Variants in HFM1 observed in about 807,000 individuals in gnomAD.
HFM1 encodes the protein probable ATP-dependent DNA helicase HFM1.
HFM1 carries 169 observed loss-of-function variants against 192.1 expected under a neutral mutation model. The ratio of observed to expected loss-of-function variants is 0.88; its 90% CI spans 0.78 to 1.00. HFM1 has a LOEUF of 1.00. Ranked by LOEUF, HFM1 falls within the 50% of genes least tolerant of loss-of-function variation. The pLI is 0.00. For synonymous variants in HFM1, 525 were observed against 537.8 expected (o/e 0.98, Z 0.33); for missense variants, 1,661 against 1,668.0 (o/e 1.00, Z 0.07).
At chr1:91,341,006 C>G (rs1655252231) in intron 20 of HFM1, among the ~76,000 whole-genome samples, 1 of 152,136 alleles carries the variant, frequency 6.6e-6, no homozygotes, top group African/African-American at 2.4e-5. Flanking sequence ...GGCTTCAACA[C>G]CCCACTGACA....
intron 2 of HFM1, among the ~76,000 whole-genome samples, chr1:91,400,420 G>T (rs1197556232): frequency 6.6e-6 from 1 of 151,874 alleles, no homozygotes; most frequent in African/African-American, 2.4e-5. Context: ...CTTTAGCTTG[G>T]CCAAAAATAA....
At chr1:91,403,871 C>CTTATTGTATAAAA (rs1164796461) in intron 1 of HFM1, among the ~76,000 whole-genome samples, 5 of 152,006 alleles carry the variant, frequency 3.3e-5, no homozygotes, top group African/African-American at 1.2e-4. Context: ...GTAATCTTTA[C>CTTATTGTATAAAA]TTATTGTATA....
chr1:91,405,871 A>G (rs937337476), upstream of HFM1, among the ~76,000 whole-genome samples: 1 of 152,248 alleles, frequency 6.6e-6, no homozygotes, highest in Non-Finnish European at 1.5e-5. Flanking sequence ...CTTAATAGAA[A>G]GGTTGAATTA....
intron 36 of HFM1, among the ~76,000 whole-genome samples, chr1:91,264,361 A>ATTTTTTTTTTTTTTTT (rs71087940): frequency 0.013 from 764 of 57,078 alleles, 162 homozygotes; most frequent in Non-Finnish European, 0.017. Context: ...CAAATTTAGT[A>ATTTTTTTTTTTTTTTT]TTTTTTTTTT....
chr1:91,377,507 A>G (rs1661043266), intron 11 of HFM1: 2 of 153,002 alleles, frequency 1.3e-5, no homozygotes, highest in Non-Finnish European at 2.9e-5. Context: ...TATGGAAAGT[A>G]TAATAGTGCA....
In HFM1 at chr1:91,378,149, G is replaced by T. The variant is rs751345139; in HGVS notation, c.1271C>A (p.Thr424Asn). The change falls in exon 11 of 39, where the codon ACT (threonine) becomes AAT (asparagine). Residue 424 changes from threonine to asparagine, a missense_variant. Coordinates refer to ENST00000370425, the MANE Select transcript of HFM1 (RefSeq NM_001017975.6). ...HIVKDENRGP[T>N]LEVVVSRMKT... ...CATTCTGCTAACTACAACTTCAAGA[G>T]TTGGACCACGATTTTCATCTTTTAC... 1.2e-5 allele frequency: 20 copies of T among 1,607,208 alleles called. No homozygotes were observed. The highest frequency in any genetic ancestry group is 1.7e-5 in the Non-Finnish European group (20 of 1,177,760).
chr1:91,385,353 C>T, intron 5 of HFM1, 119 bp from the exon 6 acceptor site: 3 of 780,918 alleles, frequency 3.8e-6, no homozygotes, highest in South Asian at 1.7e-5. Context: ...AAAACTAACA[C>T]AACTTTTTAT....
In HFM1 at chr1:91,372,213, T is replaced by C. The variant is rs372444219; in HGVS notation, c.1685+3145A>G. Among the ~76,000 whole-genome samples, 4 of 152,342 alleles carry C rather than the reference T, an allele frequency of 2.6e-5. No homozygotes were observed. In the South Asian group the frequency reaches 8.3e-4, roughly 32 times the overall value. ...CGGGGATCTACAACTAGAAATACCA[T>C]TTGATCCAGCCATCCCATTACTGGG... On this transcript the variant is annotated intron_variant, in intron 13 of 38. Coordinates refer to ENST00000370425, the MANE Select transcript of HFM1 (RefSeq NM_001017975.6).
intron 18 of HFM1, 60 bp from the exon 19 acceptor site, chr1:91,347,536 C>G (rs1571042727): frequency 9.5e-7 from 1 of 1,057,132 alleles, no homozygotes; most frequent in East Asian, 2.6e-5. Flanking sequence ...CAGTTTATAC[C>G]CCAGTTAACT....
At chr1:91,357,640 A>G (rs1217599881) in intron 13 of HFM1, among the ~76,000 whole-genome samples, 2 of 152,170 alleles carry the variant, frequency 1.3e-5, no homozygotes, top group African/African-American at 2.4e-5. Context: ...AAGGAATTCA[A>G]ATTTGAAAGG....
intron 20 of HFM1, chr1:91,338,839 TAC>T (rs1654950244): frequency 2.3e-6 from 1 of 439,948 alleles, no homozygotes; most frequent in Non-Finnish European, 4.6e-6. Flanking sequence ...CATGCTACTA[TAC>T]AGCCACTGTT....
At chr1:91,329,161 G>A (rs917895554) in intron 20 of HFM1, 17 of 1,609,632 alleles carry the variant, frequency 1.1e-5, no homozygotes, top group Middle Eastern at 1.8e-4. Context: ...ATCGTGCAGC[G>A]ACTTGACCCC....
intron 13 of HFM1, among the ~76,000 whole-genome samples, chr1:91,373,409 CAATAAT>C (rs1228531478): frequency 6.6e-5 from 10 of 152,086 alleles, no homozygotes; most frequent in African/African-American, 1.7e-4. Flanking sequence ...AAGTTATTAA[CAATAAT>C]AATAAGTTAA....
intron 19 of HFM1, among the ~76,000 whole-genome samples, chr1:91,347,065 C>T (rs1216645142): frequency 4.6e-5 from 7 of 152,028 alleles, no homozygotes; most frequent in East Asian, 1.9e-4. Context: ...GCTATGATCA[C>T]GCCACTGCAT....
intron 30 of HFM1, among the ~76,000 whole-genome samples, chr1:91,287,675 C>T (rs1356044820): frequency 2.6e-5 from 4 of 152,060 alleles, no homozygotes; most frequent in Admixed American, 6.6e-5. Flanking sequence ...ATGACTTTGA[C>T]GAGCTGAGAG....
chr1:91,350,657 T>C, intron 18 of HFM1, 81 bp downstream of exon 18: 1 of 1,294,328 alleles, frequency 7.7e-7, no homozygotes, highest in Non-Finnish European at 1.1e-6. Context: ...CTGTAATCTA[T>C]CTATCCTGTA....
At chr1:91,395,453 G>T (rs866928757) in intron 3 of HFM1, among the ~76,000 whole-genome samples, 3 of 152,068 alleles carry the variant, frequency 2.0e-5, no homozygotes, top group Non-Finnish European at 2.9e-5. Flanking sequence ...TTTGTTTTTG[G>T]GGGTATGTAT....
intron 18 of HFM1, among the ~76,000 whole-genome samples, chr1:91,349,105 T>C (rs1257049138): frequency 1.3e-5 from 2 of 151,940 alleles, no homozygotes; most frequent in Admixed American, 6.6e-5. Context: ...CTGGTCAACA[T>C]GGTGAAGCGC....
intron 30 of HFM1, among the ~76,000 whole-genome samples, chr1:91,300,508 T>C (rs1397990341): frequency 6.6e-6 from 1 of 152,190 alleles, no homozygotes; most frequent in African/African-American, 2.4e-5. Context: ...CCAATATCCC[T>C]GATGAACACC....
Sources: allele counts gnomAD v4.1 joint callset (sites outside exome capture counted in the v4.1 genomes callset), GRCh38; gene constraint gnomAD v4.1.1; transcripts MANE v1.5; gene names NCBI Gene and HGNC (gene_info 2026-07-23, HGNC 2026-07-21).